Variants in RBM19 observed in about 807,000 individuals in gnomAD.
RBM19 encodes the protein RNA binding motif protein 19, also known as probable RNA-binding protein 19.
RBM19 carries 94 observed loss-of-function variants against 116.8 expected under a neutral mutation model. That is an observed-to-expected ratio of 0.80 (90% confidence interval 0.68 to 0.95). The LOEUF is 0.95. RBM19 is among the 40% of genes least tolerant of loss of function. RBM19 has a pLI of 0.00. For synonymous variants in RBM19, 475 were observed against 494.1 expected, an observed-to-expected ratio of 0.96 and a Z score of 0.51; for missense variants, 1,161 against 1,220.7, an observed-to-expected ratio of 0.95 and a Z score of 0.73.
At chr12:113,900,740 C>G (rs541896884) in intron 21 of RBM19, among the ~76,000 whole-genome samples, 1 of 152,304 alleles carries the variant, frequency 6.6e-6, no homozygotes, top group Admixed American at 6.5e-5. Flanking sequence ...CGAGTATGTC[C>G]TCTGAGCAAG....
rs747514683 is a variant in RBM19, at chr12:113,920,617, C to A, written c.2379G>T (p.Gln793His). Residue 793 changes from glutamine (Q) to histidine (H), a missense_variant, in exon 19 of 24, where the codon CAG becomes CAT. By Grantham distance (24) the Gln-to-His change is conservative (BLOSUM62 0). Coordinates refer to ENST00000261741, the MANE Select transcript of RBM19 (RefSeq NM_016196.4). ...CTGAGAATCTTCACTTTACCTGGAG[C>A]TGCTTGAGAGCTTTCTGGGCTTGCT... ...KPEQAQKALK[Q>H]LQGHVVDGHK... The A allele has an allele frequency of 1.9e-6, 3 of 1,613,966 alleles. No homozygotes were observed. The highest frequency in any genetic ancestry group is 2.5e-6 in the Non-Finnish European group (3 of 1,179,838).
At chr12:113,918,351 C>G in intron 20 of RBM19, 41 bp downstream of exon 20, 1 of 1,610,278 alleles carries the variant, frequency 6.2e-7, no homozygotes, top group Non-Finnish European at 8.5e-7. Flanking sequence ...CACAGGAAGC[C>G]CCAGCTCGTA....
At chr12:113,899,182 A>G (rs1263708309) in intron 21 of RBM19, among the ~76,000 whole-genome samples, 1 of 152,222 alleles carries the variant, frequency 6.6e-6, no homozygotes, top group Non-Finnish European at 1.5e-5. Context: ...GAATTCCCTT[A>G]CTTCAGTTTC....
chr12:113,876,904 A>G (rs1041396819), intron 21 of RBM19, among the ~76,000 whole-genome samples: 3 of 152,260 alleles, frequency 2.0e-5, no homozygotes, highest in African/African-American at 7.2e-5. Context: ...CAGTTTAAGA[A>G]TAACCCTCCC....
intron 14 of RBM19, among the ~76,000 whole-genome samples, chr12:113,941,104 G>A (rs1412639922): frequency 2.0e-5 from 3 of 152,222 alleles, no homozygotes; most frequent in Non-Finnish European, 4.4e-5. Flanking sequence ...TGTAACCTGA[G>A]ACCTTGGGTC....
intron 1 of RBM19, among the ~76,000 whole-genome samples, chr12:113,963,477 G>A (rs181663331): frequency 2.6e-5 from 4 of 152,342 alleles, no homozygotes; most frequent in Admixed American, 2.6e-4. Context: ...AGTCCAGCCA[G>A]AAGATGACAT....
chr12:113,965,141 C>T (rs541776832), intron 1 of RBM19, among the ~76,000 whole-genome samples: 1 of 151,644 alleles, frequency 6.6e-6, no homozygotes, highest in East Asian at 1.9e-4. Context: ...GGCTTGGTGG[C>T]GCGTGTCTGT....
chr12:113,907,028 CGAGGAAGG>C (rs1476686902), intron 21 of RBM19, among the ~76,000 whole-genome samples: 1 of 152,044 alleles, frequency 6.6e-6, no homozygotes, highest in Non-Finnish European at 1.5e-5. Flanking sequence ...CGGGAGGAAG[CGAGGAAGG>C]ATCCCCCCTG....
chr12:113,827,404 T>C (rs894339359), intron 23 of RBM19, among the ~76,000 whole-genome samples: 1 of 151,868 alleles, frequency 6.6e-6, no homozygotes, highest in Non-Finnish European at 1.5e-5. Flanking sequence ...TATTTTTCAA[T>C]TAATTCCTTG....
At chr12:113,861,788 G>A (rs1878424250) in intron 21 of RBM19, among the ~76,000 whole-genome samples, 1 of 152,150 alleles carries the variant, frequency 6.6e-6, no homozygotes, top group South Asian at 2.1e-4. Context: ...AGGGAAAGCT[G>A]GGACAGAAGG....
At chr12:113,936,870 T>C in intron 16 of RBM19, 137 bp downstream of exon 16, 1 of 1,168,980 alleles carries the variant, frequency 8.6e-7, no homozygotes, top group Middle Eastern at 2.8e-4. Flanking sequence ...AATCTGAGAG[T>C]CTGAGCCCTG....
Position 113,825,781 on chromosome 12 carries a change from G to A in RBM19, c.2786-2460C>T, listed in dbSNP as rs1874807900. ...TGGACTTGGGGTGCTTCTTCCCCAT[G>A]CTCCTGCACCCCTGGGCCGTGCCAC... On this transcript the variant is annotated intron_variant, in intron 23 of 23. Transcript: ENST00000261741. This position sits in a 1 kb window ranked among gnomAD's most constrained non-coding sequence, Gnocchi z 5.7. Among the ~76,000 whole-genome samples the A allele has an allele frequency of 6.6e-6, 1 of 152,174 alleles. No homozygotes were observed. The highest frequency in any genetic ancestry group is 2.4e-5 in the African/African-American group (1 of 41,432).
intron 12 of RBM19, 37 bp from the exon 13 acceptor site, chr12:113,945,961 A>G: frequency 1.3e-6 from 2 of 1,502,806 alleles, no homozygotes; most frequent in Non-Finnish European, 1.8e-6. Context: ...ATCAGACCGC[A>G]GCTGGATGAG....
chr12:113,867,534 C>T (rs1432882668), intron 21 of RBM19, among the ~76,000 whole-genome samples: 7 of 152,198 alleles, frequency 4.6e-5, no homozygotes. Flanking sequence ...TAGTTTTCAG[C>T]ATGCATCTCC....
In RBM19 at chr12:113,947,457, C is replaced by G; in HGVS notation, c.1284G>C (p.Leu428=). The G allele has an allele frequency of 1.2e-6, 2 of 1,600,612 alleles. No homozygotes were observed. Among genetic ancestry groups the G allele is most frequent in the Middle Eastern group, 1.7e-4 (1 of 6,012 alleles). Residue 428 remains leucine, a synonymous_variant, in exon 11 of 24, where the codon CTG becomes CTC. Transcript: ENST00000261741. ...TGTCGATGGGGTAGTGGAGCTCAGACAGGGGACCTGAGGACAGGAGAAGTG... is the reference window on the plus strand; with the variant it reads ...TGTCGATGGGGTAGTGGAGCTCAGAGAGGGGACCTGAGGACAGGAGAAGTG... ...LEKLFSKYGP[L]SELHYPIDSL...
intron 16 of RBM19, among the ~76,000 whole-genome samples, chr12:113,927,989 A>G (rs1869255249): frequency 6.6e-6 from 1 of 152,240 alleles, no homozygotes; most frequent in Non-Finnish European, 1.5e-5. Flanking sequence ...GAGAAAAATT[A>G]AGATATTAAA....
chr12:113,829,599 C>T (rs1212634087), intron 23 of RBM19, among the ~76,000 whole-genome samples: 1 of 152,186 alleles, frequency 6.6e-6, no homozygotes, highest in African/African-American at 2.4e-5. Context: ...TAAACTAAAC[C>T]ACCAGCCATG....
At chr12:113,828,099 C>CAAAAAAAAAAA (rs34234377) in intron 23 of RBM19, among the ~76,000 whole-genome samples, 1 of 67,334 alleles carries the variant, frequency 1.5e-5, no homozygotes. Context: ...GACTCTGTCT[C>CAAAAAAAAAAA]AAAAAAAAAA....
At chr12:113,952,406 A>G in intron 8 of RBM19, 106 bp downstream of exon 8, 1 of 1,024,414 alleles carries the variant, frequency 9.8e-7, no homozygotes, top group Admixed American at 2.1e-5. Context: ...GACCACAAAC[A>G]GGAAGAAAAA....
Sources: allele counts gnomAD v4.1 joint callset (sites outside exome capture counted in the v4.1 genomes callset), GRCh38; gene constraint gnomAD v4.1.1; non-coding constraint Gnocchi (gnomAD v3.1); transcripts MANE v1.5; gene names NCBI Gene and HGNC (gene_info 2026-07-23, HGNC 2026-07-21).